SEZ6L: variants seen among roughly 807,000 people sequenced by gnomAD.
The protein encoded by SEZ6L is seizure related 6 homolog like.
Under a neutral mutation model 106.2 loss-of-function variants are expected in SEZ6L, and 37 were observed. The ratio of observed to expected loss-of-function variants is 0.35; its 90% CI spans 0.27 to 0.46. The LOEUF (loss-of-function observed/expected upper bound fraction) is 0.46. Ranked by LOEUF, SEZ6L falls within the 20% of genes least tolerant of loss-of-function variation. The pLI is 1.00. For missense variants in SEZ6L, 1,172 were observed against 1,332.8 expected, an observed-to-expected ratio of 0.88 and a Z score of 1.88; for synonymous variants, 541 against 570.4, an observed-to-expected ratio of 0.95 and a Z score of 0.73.
At chr22:26,321,873 A>G (rs539536459) in intron 9 of SEZ6L, among the ~76,000 whole-genome samples, 246 of 152,164 alleles carry the variant, frequency 1.6e-3, no homozygotes, top group African/African-American at 5.7e-3. Flanking sequence ...CGTAAGCCAC[A>G]TTTCCCAGGC....
At chr22:26,287,999 G>T (rs905323018) in intron 1 of SEZ6L, among the ~76,000 whole-genome samples, 4 of 152,222 alleles carry the variant, frequency 2.6e-5, no homozygotes, top group African/African-American at 9.6e-5. Flanking sequence ...GCTGCGGTTA[G>T]CACCCTTGTA....
At chr22:26,377,812 C>G in intron 16 of SEZ6L, 37 bp downstream of exon 16, 1 of 1,413,894 alleles carries the variant, frequency 7.1e-7, no homozygotes, top group South Asian at 1.2e-5. Context: ...CAATTCCCTC[C>G]CTCTTTGCTC....
rs35483380 is a variant in SEZ6L at position 26,208,850 on chromosome 22, CTGTGTGTGTGTGTGTGTG to C, written c.94+39125_94+39142del. Among the ~76,000 whole-genome samples the C allele has an allele frequency of 9.3e-3, 1,043 of 111,808 alleles. 13 individuals carry two copies. The highest frequency in any genetic ancestry group is 0.068 in the South Asian group (198 of 2,918). 73.4% of individuals were successfully genotyped at this position (111,808 alleles called of 152,430 possible). ...TTTTTTCTACTTCTTGACTCTCTCT[CTGTGTGTGTGTGTGTGTG>C]TGTGTGTGTGTGTGTGTGTGTGTGT... On this transcript the variant is annotated intron_variant, in intron 1 of 16. Transcript: ENST00000248933.
At chr22:26,313,358 C>A (rs142181537) in intron 8 of SEZ6L, among the ~76,000 whole-genome samples, 27 of 152,274 alleles carry the variant, frequency 1.8e-4, no homozygotes, top group African/African-American at 6.5e-4. Flanking sequence ...AGCCTGTTAG[C>A]AGCAGAGGCA....
At chr22:26,327,433 C>T (rs1262615801) in intron 9 of SEZ6L, among the ~76,000 whole-genome samples, 7 of 146,008 alleles carry the variant, frequency 4.8e-5, no homozygotes, top group African/African-American at 1.5e-4. Flanking sequence ...GCACAAACCA[C>T]ACATATGACA....
intron 1 of SEZ6L, among the ~76,000 whole-genome samples, chr22:26,217,616 T>G (rs2078336374): frequency 6.6e-6 from 1 of 152,238 alleles, no homozygotes; most frequent in Non-Finnish European, 1.5e-5. Context: ...TCTCTGCCCA[T>G]CCAATTTCAA....
intron 1 of SEZ6L, among the ~76,000 whole-genome samples, chr22:26,256,144 TGAGCAAGTAGTTGGA>T (rs1448201226): frequency 6.6e-5 from 10 of 152,098 alleles, no homozygotes; most frequent in African/African-American, 2.4e-4. Flanking sequence ...GGAAGGAGCA[TGAGCAAGTAGTTGGA>T]GAAGTAAGGA....
At chr22:26,208,850 CTGTGTGTG>C (rs35483380) in intron 1 of SEZ6L, among the ~76,000 whole-genome samples, 12,507 of 111,576 alleles carry the variant, frequency 0.11, 667 homozygotes, top group Admixed American at 0.13. Context: ...GACTCTCTCT[CTGTGTGTG>C]TGTGTGTGTG....
intron 12 of SEZ6L, among the ~76,000 whole-genome samples, chr22:26,352,160 C>CA (rs3071657): frequency 0.033 from 3,989 of 121,136 alleles, 158 homozygotes; most frequent in East Asian, 0.098. Context: ...GACCCTGCCT[C>CA]AAAAAAAAAA....
At chr22:26,311,434 AC>A (rs1816389281) in intron 7 of SEZ6L, among the ~76,000 whole-genome samples, 2 of 152,314 alleles carry the variant, frequency 1.3e-5, no homozygotes, top group South Asian at 4.1e-4. Flanking sequence ...AGACAGCCCT[AC>A]AGTTTCCAGT....
intron 12 of SEZ6L, among the ~76,000 whole-genome samples, chr22:26,359,556 G>T (rs1416787004): frequency 6.6e-6 from 1 of 152,170 alleles, no homozygotes; most frequent in East Asian, 1.9e-4. Context: ...TCAACACTTT[G>T]AAAGAACGAG....
At chr22:26,178,503 G>A (rs538285753) in intron 1 of SEZ6L, among the ~76,000 whole-genome samples, 2 of 152,290 alleles carry the variant, frequency 1.3e-5, no homozygotes, top group East Asian at 1.9e-4. Context: ...AAGTAGTAGG[G>A]ACTGGTGATG....
At chr22:26,354,217 G>A (rs1196267396) in intron 12 of SEZ6L, among the ~76,000 whole-genome samples, 1 of 152,240 alleles carries the variant, frequency 6.6e-6, no homozygotes, top group African/African-American at 2.4e-5. Flanking sequence ...ATGTGGTCAA[G>A]TTAAGCTGAG....
chr22:26,305,914 GTC>G, intron 5 of SEZ6L, 63 bp from the exon 6 acceptor site: 2 of 1,439,904 alleles, frequency 1.4e-6, no homozygotes, highest in Non-Finnish European at 1.9e-6. Flanking sequence ...CTTTCTCTCT[GTC>G]TCTCTCCTCT....
At chr22:26,218,076 C>G (rs1040028432) in intron 1 of SEZ6L, among the ~76,000 whole-genome samples, 3 of 152,258 alleles carry the variant, frequency 2.0e-5, no homozygotes, top group African/African-American at 7.2e-5. Context: ...AAAACAGATG[C>G]AGGAATATAC....
At position 26,292,273 on chromosome 22, in the gene SEZ6L, A is replaced by G. The variant is rs1298240266; in HGVS notation, c.95-133A>G. The G allele has an allele frequency of 4.8e-6, 3 of 619,374 alleles. No homozygotes were observed. The East Asian group carries it at 8.4e-5, about 17-fold the overall frequency. 38.4% of individuals were successfully genotyped at this position (619,374 alleles called of 1,614,324 possible). On this transcript the variant is annotated intron_variant, in intron 1 of 16. Coordinates refer to ENST00000248933, the MANE Select transcript of SEZ6L (RefSeq NM_021115.5). ...AAGAAAGGAAGGGAGGGAGGGAGAA[A>G]GGAGAAGTTGGTTTAGAGGCCAGCC... is the stretch of plus-strand genomic sequence containing the variant.
rs1298831644 is a variant in SEZ6L, at chr22:26,294,400, A to G, written c.944A>G (p.Tyr315Cys). The stretch of plus-strand genomic sequence containing the variant: ...GAGTGCACATACAACGTGACAGTCT[A>G]CACTGGCTATGGGGTGGAGCTCCAG... Reference protein sequence around the residue: ...FLECTYNVTVYTGYGVELQVK... With the variant: ...FLECTYNVTVCTGYGVELQVK... Residue 315 changes from tyrosine (Y) to cysteine (C), a missense_variant, in exon 3 of 17, where the codon TAC (tyrosine) becomes TGC (cysteine). Tyr to Cys is a radical substitution (Grantham distance 194, BLOSUM62 -2). Around this residue, in one of 4 missense-constraint regions of SEZ6L, gnomAD observed 494 missense variants for 445.8 expected, o/e 1.11. Coordinates refer to ENST00000248933, the MANE Select transcript of SEZ6L (RefSeq NM_021115.5). The G allele has an allele frequency of 3.1e-6, 5 of 1,614,082 alleles. No homozygotes were observed. Among genetic ancestry groups the G allele is most frequent in the Non-Finnish European group, 4.2e-6 (5 of 1,180,008 alleles).
At chr22:26,272,438 A>C (rs1311044611) in intron 1 of SEZ6L, among the ~76,000 whole-genome samples, 1 of 152,154 alleles carries the variant, frequency 6.6e-6, no homozygotes. Flanking sequence ...CCACAAAAAA[A>C]CCGAATTTTT....
chr22:26,234,900 C>T (rs1293461692), intron 1 of SEZ6L, among the ~76,000 whole-genome samples: 5 of 152,182 alleles, frequency 3.3e-5, no homozygotes, highest in Admixed American at 1.3e-4. Context: ...GATATTTAAG[C>T]TAAGTCTTGA....
Sources: gnomAD v4.1 joint callset for allele counts (sites outside exome capture counted in the v4.1 genomes callset) on GRCh38, gnomAD v4.1.1 for gene constraint, gnomAD v4.1.1 regional missense constraint, MANE v1.5 for transcripts, NCBI Gene and HGNC (gene_info 2026-07-23, HGNC 2026-07-21) for gene names.